The following KNDC1 variants were observed in gnomAD, a reference collection of about 807,000 sequenced individuals.
KNDC1 encodes the protein kinase non-catalytic C-lobe domain-containing protein 1.
Under a neutral mutation model 172.8 loss-of-function variants are expected in KNDC1, and 106 were observed. The observed-to-expected ratio is 0.61, with a 90% CI of 0.52 to 0.72. KNDC1 has a LOEUF of 0.72. KNDC1 is among the 30% of genes least tolerant of loss of function. The pLI, the probability that KNDC1 is intolerant of heterozygous loss-of-function variation, is 0.00. For missense variants in KNDC1, 2,325 were observed against 2,394.5 expected (o/e 0.97, Z 0.61); for synonymous variants, 1,083 against 1,062.2 (o/e 1.02, Z -0.38).
intron 3 of KNDC1, among the ~76,000 whole-genome samples, chr10:133,172,127 G>C (rs777271307): frequency 6.6e-6 from 1 of 152,102 alleles, no homozygotes; most frequent in Non-Finnish European, 1.5e-5. Context: ...ATGAGTCTTG[G>C]AACAGAAGCA....
intron 10 of KNDC1, among the ~76,000 whole-genome samples, chr10:133,196,216 C>T (rs1465802203): frequency 4.0e-5 from 6 of 151,454 alleles, no homozygotes; most frequent in East Asian, 1.9e-4. Context: ...CCCCCCACCC[C>T]GAACCCCCAC....
At chr10:133,223,562 AGAGCCCATCCAGGCATGCTCTTCCCGGC>A (rs1845655673) in intron 29 of KNDC1, among the ~76,000 whole-genome samples, 1 of 59,580 alleles carries the variant, frequency 1.7e-5, no homozygotes. Flanking sequence ...CGTGTGTGTG[AGAGCCCATCCAGGCATGCTCTTCCCGGC>A]GTGTGTGTGT....
intron 29 of KNDC1, among the ~76,000 whole-genome samples, chr10:133,221,609 G>A (rs192298879): frequency 6.6e-6 from 1 of 152,328 alleles, no homozygotes; most frequent in Non-Finnish European, 1.5e-5. Flanking sequence ...CACGGTAGAT[G>A]GCCTCACTTG....
intron 11 of KNDC1, 94 bp from the exon 12 acceptor site, chr10:133,197,581 G>GGCACC (rs1450673399): frequency 5.4e-6 from 5 of 918,970 alleles, no homozygotes; most frequent in Middle Eastern, 2.4e-4. Context: ...GAAGCTCCAC[G>GGCACC]GCACCGGCGG....
At chr10:133,167,903 G>A (rs891564816) in intron 2 of KNDC1, among the ~76,000 whole-genome samples, 1 of 152,194 alleles carries the variant, frequency 6.6e-6, no homozygotes, top group Non-Finnish European at 1.5e-5. Flanking sequence ...AGTCCCGCCT[G>A]CCCTGCTGTG....
At chr10:133,199,944 A>G (rs1459282917) in intron 15 of KNDC1, among the ~76,000 whole-genome samples, 1 of 152,104 alleles carries the variant, frequency 6.6e-6, no homozygotes, top group African/African-American at 2.4e-5. Context: ...GAGGGCCCCA[A>G]GGAGGTGAAG....
intron 1 of KNDC1, among the ~76,000 whole-genome samples, chr10:133,162,843 A>G (rs532965244): frequency 6.0e-4 from 92 of 152,340 alleles, no homozygotes; most frequent in African/African-American, 2.1e-3. Flanking sequence ...CAACTTCACT[A>G]TGGTGTGGGC....
intron 3 of KNDC1, among the ~76,000 whole-genome samples, chr10:133,175,864 A>C (rs1445533145): frequency 1.4e-5 from 2 of 147,662 alleles, no homozygotes; most frequent in Non-Finnish European, 3.0e-5. Context: ...GTGGATGGGC[A>C]GTTAAGTGGA....
Position 133,224,315 on chromosome 10 carries a change from G to A in KNDC1, c.5019-344G>A, listed in dbSNP as rs1013830446. On this transcript the variant is annotated intron_variant, in intron 29 of 29. Transcript: ENST00000304613. This position sits in a 1 kb window ranked among gnomAD's most constrained non-coding sequence, Gnocchi z 5.4. ...AGGTGTGAATGTGAACGCTCTGCAC[G>A]GCAGCAGAGAGTCCCTTGCCTGCCT... is the stretch of plus-strand genomic sequence containing the variant. Among the ~76,000 whole-genome samples, 4 of 152,288 alleles carry A rather than the reference G, an allele frequency of 2.6e-5. No homozygotes were observed. Among genetic ancestry groups the A allele is most frequent in the Non-Finnish European group, 4.4e-5 (3 of 68,032 alleles).
chr10:133,210,255 G>A lies in KNDC1; in HGVS notation c.3795-356G>A, dbSNP rs773692168. Among the ~76,000 whole-genome samples the A allele has an allele frequency of 5.9e-5, 9 of 151,388 alleles. No individual in the cohort carries two copies. The South Asian group carries it at 6.3e-4, about 11-fold the overall frequency. ...CAAAAATCAGCCGGGCATGGTAGGC[G>A]CCTGTAGTCCCAGCTATTCGGGAGG... On this transcript the variant is annotated intron_variant, in intron 20 of 29. Transcript: ENST00000304613.
At position 133,206,889 on chromosome 10, in the gene KNDC1, A is replaced by G; in HGVS notation, c.3515A>G (p.Lys1172Arg). ...SDVKTMLSKL[K>R]GQLEEMKSRV... is the part of the protein sequence containing the mutation. ...GTCAAGACCATGCTGTCCAAGCTGA[A>G]AGGGCAGCTAGAAGAAATGAAATCC... The change falls in exon 19 of 30, where the codon AAA (lysine) becomes AGA (arginine). Residue 1172 changes from lysine (K) to arginine (R), a missense_variant. Physicochemically the swap from Lys to Arg is conservative, Grantham distance 26 (BLOSUM62 2). Transcript: ENST00000304613. 6.2e-7 allele frequency: 1 copy of G among 1,614,128 alleles called. No individual in the cohort carries two copies. The highest frequency in any genetic ancestry group is 2.2e-5 in the East Asian group (1 of 44,872).
At chr10:133,171,024 C>T (rs1435529471) in intron 3 of KNDC1, among the ~76,000 whole-genome samples, 2 of 152,254 alleles carry the variant, frequency 1.3e-5, no homozygotes, top group Non-Finnish European at 2.9e-5. Flanking sequence ...TTAATATAAT[C>T]AAATGTTTTA....
chr10:133,214,472 G>C (rs1319336433), intron 26 of KNDC1, among the ~76,000 whole-genome samples: 1 of 152,170 alleles, frequency 6.6e-6, no homozygotes, highest in East Asian at 1.9e-4. Flanking sequence ...TGGAGACCCA[G>C]GACAAGCTGC....
At position 133,200,367 on chromosome 10, in the gene KNDC1, G is replaced by C. The variant is rs62623421; in HGVS notation, c.2904-8G>C. The C allele has an allele frequency of 1.9e-6, 3 of 1,578,936 alleles. No homozygotes were observed. Among genetic ancestry groups the C allele is most frequent in the African/African-American group, 1.4e-5 (1 of 72,658 alleles). On this transcript the variant is annotated splice_region_variant and splice_polypyrimidine_tract_variant and intron_variant, in intron 15 of 29. Coordinates refer to ENST00000304613, the MANE Select transcript of KNDC1 (RefSeq NM_152643.8). ...GAGGTGGGGACTGACCTGCATTCTC[G>C]TCGTCAGCACGGCCGAGGAGGCTGG...
rs773936133 is a variant in KNDC1, at chr10:133,224,740, G to A, written c.5100G>A (p.Ser1700=). The change falls in exon 30 of 30, where the codon TCG becomes TCA. Residue 1700 remains serine (S), a synonymous_variant. Transcript: ENST00000304613. The surrounding 1 kb of genome is among the most constrained non-coding windows in gnomAD (Gnocchi z 5.4). ...TCAGCCCCGACCCCAAGCTCCAGTC[G>A]TACCTCAAGCAGAGGATTGCCCGCT... ...YTFSPDPKLQ[S]YLKQRIARFS... The A allele has an allele frequency of 2.7e-5, 43 of 1,613,938 alleles. No homozygotes were observed. Among genetic ancestry groups the A allele is most frequent in the East Asian group, 4.5e-5 (2 of 44,886 alleles).
rs145446163 is a variant in KNDC1 at position 133,216,929 on chromosome 10, G to A, written c.4678-1902G>A. On this transcript the variant is annotated intron_variant, in intron 26 of 29. Transcript: ENST00000304613. Reference sequence around the variant, plus strand: ...AGGCTCAGGGAAACGAGCCAGTCGCGAAGCACGGACAGTGGACGGCTCCAC... The same window carrying A: ...AGGCTCAGGGAAACGAGCCAGTCGCAAAGCACGGACAGTGGACGGCTCCAC... Among the ~76,000 whole-genome samples, 736 of 152,372 alleles carry A rather than the reference G, an allele frequency of 4.8e-3. 9 individuals carry two copies. Among genetic ancestry groups the A allele is most frequent in the African/African-American group, 0.017 (708 of 41,582 alleles).
rs372151003 is a variant in KNDC1, at chr10:133,218,957, C to T, written c.4800+4C>T. The T allele has an allele frequency of 1.0e-4, 164 of 1,613,584 alleles. No individual in the cohort carries two copies. Among genetic ancestry groups the T allele is most frequent in the Middle Eastern group, 1.6e-4 (1 of 6,082 alleles). On this transcript the variant is annotated splice_donor_region_variant and intron_variant, in intron 27 of 29. Transcript: ENST00000304613. ...CCTGGCCGTGAGGCAGTCCCCTGTG[C>T]GTCCCCCTCGGGCCCCAAGGCGGGG...
Position 133,217,976 on chromosome 10 carries a change from CTT to C in KNDC1, c.4678-854_4678-853del, listed in dbSNP as rs374047389. ...TTGAGAGGCTGAGGCAGGAGAATCA[CTT>C]GAACCCGGGAGGTGGAGGCTGCACC... On this transcript the variant is annotated intron_variant, in intron 26 of 29. Transcript: ENST00000304613. Among the ~76,000 whole-genome samples, 464 of 151,094 alleles carry C rather than the reference CTT, an allele frequency of 3.1e-3. 5 individuals are homozygous for C. Among genetic ancestry groups the C allele is most frequent in the African/African-American group, 0.011 (447 of 40,624 alleles).
At chr10:133,193,503 C>T (rs979942089) in intron 9 of KNDC1, among the ~76,000 whole-genome samples, 3 of 150,770 alleles carry the variant, frequency 2.0e-5, no homozygotes, top group Admixed American at 6.6e-5. Flanking sequence ...CCAGCCAGGG[C>T]GACAAGAGCG....
Sources: allele counts gnomAD v4.1 joint callset (sites outside exome capture counted in the v4.1 genomes callset), GRCh38; gene constraint gnomAD v4.1.1; non-coding constraint Gnocchi (gnomAD v3.1); transcripts MANE v1.5; gene names NCBI Gene and HGNC (gene_info 2026-07-23, HGNC 2026-07-21).